CYB5A: variants seen among roughly 807,000 people sequenced by gnomAD.
The protein encoded by CYB5A is cytochrome b5.
CYB5A carries 10 observed loss-of-function variants against 16.2 expected under a neutral mutation model. The observed-to-expected ratio is 0.62, with a 90% CI of 0.38 to 1.04. CYB5A has a LOEUF of 1.04. CYB5A is among the 50% of genes least tolerant of loss of function. CYB5A has a pLI of 0.01. For synonymous variants in CYB5A, 62 were observed against 57.0 expected (o/e 1.09, Z -0.40); for missense variants, 161 against 165.9 (o/e 0.97, Z 0.16).
chr18:74,273,861 G>A (rs1048681177), intron 1 of CYB5A, among the ~76,000 whole-genome samples: 5 of 152,296 alleles, frequency 3.3e-5, no homozygotes, highest in Non-Finnish European at 7.3e-5. Flanking sequence ...TAATACCATG[G>A]AGCTCAGTGG....
intron 1 of CYB5A, among the ~76,000 whole-genome samples, chr18:74,288,333 A>G (rs1983396494): frequency 6.6e-6 from 1 of 152,040 alleles, no homozygotes; most frequent in Non-Finnish European, 1.5e-5. Context: ...AAAGAAGGGG[A>G]AATACTCAGC....
At chr18:74,269,315 T>C (rs924086678) in intron 1 of CYB5A, among the ~76,000 whole-genome samples, 2 of 118,698 alleles carry the variant, frequency 1.7e-5, no homozygotes, top group Non-Finnish European at 4.0e-5. Context: ...CTTGTGTTCA[T>C]CCAACCTTCT....
At chr18:74,278,668 T>C (rs1982974874) in intron 1 of CYB5A, among the ~76,000 whole-genome samples, 1 of 152,228 alleles carries the variant, frequency 6.6e-6, no homozygotes, top group African/African-American at 2.4e-5. Context: ...CTACATGAGA[T>C]GGTTCTTAAA....
At chr18:74,262,758 T>C (rs1295568458) in intron 2 of CYB5A, among the ~76,000 whole-genome samples, 2 of 152,176 alleles carry the variant, frequency 1.3e-5, no homozygotes, top group Admixed American at 6.5e-5. Context: ...CTCCCCACCT[T>C]GTAAAACGTG....
chr18:74,273,894 A>C (rs906790770), intron 1 of CYB5A, among the ~76,000 whole-genome samples: 1 of 152,196 alleles, frequency 6.6e-6, no homozygotes, highest in Admixed American at 6.5e-5. Flanking sequence ...TCACACAAAA[A>C]AGAAGCTGAC....
In CYB5A at chr18:74,260,921, C is replaced by T; in HGVS notation, c.282G>A (p.Lys94=). 2.5e-6 allele frequency: 4 copies of T among 1,612,514 alleles called. No individual in the cohort carries two copies. In the South Asian group the frequency reaches 3.3e-5, roughly 13 times the overall value. ...TTGAGATGGTCACACTTACCGGAGG[C>T]TTGTTTAACTTTGGTCTGTCATCCT... ...LHPDDRPKLN[K]PPETLITTID... The change falls in exon 3 of 5, where the codon AAG becomes AAA. Residue 94 remains lysine, a synonymous_variant. Coordinates refer to ENST00000340533, the MANE Select transcript of CYB5A (RefSeq NM_148923.4).
chr18:74,281,633 T>A (rs1311754896), intron 1 of CYB5A, among the ~76,000 whole-genome samples: 1 of 151,936 alleles, frequency 6.6e-6, no homozygotes, highest in Non-Finnish European at 1.5e-5. Flanking sequence ...TAAAAGGGAA[T>A]GGAGGAGGTG....
rs752735519 is a variant in CYB5A at position 74,291,755 on chromosome 18, G to C, written c.121C>G (p.Leu41Val). Residue 41 changes from leucine (L) to valine (V), a missense_variant, in exon 1 of 5, where the codon CTG becomes GTG. Transcript: ENST00000340533. ...HHKVYDLTKFLEEHPGGEEVL... is the reference protein window; with the variant it reads ...HHKVYDLTKFVEEHPGGEEVL... ...GCTCATCCCCAACTCACCTCTTCCA[G>C]AAATTTGGTCAAATCGTACACCTTG... 2 of 1,613,852 alleles carry C rather than the reference G, an allele frequency of 1.2e-6. No homozygotes were observed. Among genetic ancestry groups the C allele is most frequent in the Admixed American group, 3.3e-5 (2 of 60,028 alleles).
chr18:74,263,339 A>G lies in CYB5A; in HGVS notation c.258+10T>C, dbSNP rs1982288836. 1.2e-6 allele frequency: 2 copies of G among 1,613,736 alleles called. No individual in the cohort carries two copies. Among genetic ancestry groups the G allele is most frequent in the East Asian group, 2.2e-5 (1 of 44,860 alleles). On this transcript the variant is annotated intron_variant, in intron 2 of 4. Transcript: ENST00000340533. ...ATACAAATAAGAAAGGGCCCCCAAAATGTACTTACTGGATGGAGCTCCCCA... is the reference window on the plus strand; with the variant it reads ...ATACAAATAAGAAAGGGCCCCCAAAGTGTACTTACTGGATGGAGCTCCCCA...
chr18:74,289,842 G>A (rs962253180), intron 1 of CYB5A, among the ~76,000 whole-genome samples: 1 of 151,546 alleles, frequency 6.6e-6, no homozygotes, highest in African/African-American at 2.4e-5. Context: ...AGAACTCAGG[G>A]AGGTGGCTCA....
chr18:74,273,841 G>A (rs888550070), intron 1 of CYB5A, among the ~76,000 whole-genome samples: 6 of 152,164 alleles, frequency 3.9e-5, no homozygotes, highest in Non-Finnish European at 7.3e-5. Flanking sequence ...GAGAAGACAC[G>A]TGGCCCACTT....
At chr18:74,258,865 T>A (rs1790813) in intron 3 of CYB5A, 1 of 152,072 alleles carries the variant, frequency 6.6e-6, no homozygotes, top group Non-Finnish European at 1.5e-5. Context: ...TACTTTAGGC[T>A]GGGTGCCGTG....
In CYB5A at chr18:74,252,095, T is replaced by A. The variant is rs1196649495; in HGVS notation, c.*1489A>T. On this transcript the variant is annotated 3_prime_UTR_variant, in exon 5 of 5. Transcript: ENST00000340533. ...TAATTTATTTTGAAATAGAAACTACTTGTCAACTTTCAGTGACTAAAGAAG... is the reference window on the plus strand; with the variant it reads ...TAATTTATTTTGAAATAGAAACTACATGTCAACTTTCAGTGACTAAAGAAG... 6.6e-6 allele frequency: 1 copy of A among 152,230 alleles called. No homozygotes were observed. Among genetic ancestry groups the A allele is most frequent in the South Asian group, 2.1e-4 (1 of 4,828 alleles). The allele number at this position is 152,230 out of a possible 1,614,324, so 9.4% of individuals were successfully genotyped here. A position where few individuals can be genotyped will look rare whatever the true frequency, so the allele number is the denominator to read the frequency against.
At chr18:74,285,661 C>A (rs1310075360) in intron 1 of CYB5A, among the ~76,000 whole-genome samples, 1 of 151,852 alleles carries the variant, frequency 6.6e-6, no homozygotes, top group Non-Finnish European at 1.5e-5. Flanking sequence ...CCTAGGAGTT[C>A]GAGACCAGCC....
chr18:74,255,760 T>C lies in CYB5A; in HGVS notation c.304A>G (p.Thr102Ala). ...ACATACCTGGAACTAGAATCAATAG[T>C]AGTGATAAGAGTTTCCTGAAACACG... ...LNKPPETLIT[T>A]IDSSSSWWTN... is the part of the protein sequence containing the mutation. Residue 102 changes from threonine to alanine, a missense_variant, in exon 4 of 5, where the codon ACT (threonine) becomes GCT (alanine). Physicochemically the swap from Thr to Ala is moderately conservative, Grantham distance 58. Coordinates refer to ENST00000340533, the MANE Select transcript of CYB5A (RefSeq NM_148923.4). 3 of 1,612,342 alleles carry C rather than the reference T, an allele frequency of 1.9e-6. No individual in the cohort carries two copies. The highest frequency in any genetic ancestry group is 2.5e-6 in the Non-Finnish European group (3 of 1,178,396).
intron 1 of CYB5A, among the ~76,000 whole-genome samples, chr18:74,285,691 T>C (rs2145084565): frequency 6.6e-6 from 1 of 151,854 alleles, no homozygotes; most frequent in East Asian, 1.9e-4. Flanking sequence ...AGAGACTACA[T>C]TTCTACAAAA....
chr18:74,255,951 C>A, intron 3 of CYB5A, 176 bp from the exon 4 acceptor site: 1 of 595,484 alleles, frequency 1.7e-6, no homozygotes, highest in South Asian at 2.1e-5. Flanking sequence ...TTGTTTTCTT[C>A]CAGAGTAAAA....
At chr18:74,262,212 G>A (rs1982231460) in intron 2 of CYB5A, among the ~76,000 whole-genome samples, 3 of 152,172 alleles carry the variant, frequency 2.0e-5, no homozygotes, top group Non-Finnish European at 2.9e-5. Context: ...CTAGCACTCT[G>A]GGAGGCCTAG....
At chr18:74,263,283 A>G (rs781593294) in intron 2 of CYB5A, 66 bp downstream of exon 2, 5 of 1,605,544 alleles carry the variant, frequency 3.1e-6, no homozygotes, top group Non-Finnish European at 4.3e-6. Context: ...GCAAGCTTAC[A>G]GACTAGGGTA....
Sources: allele counts gnomAD v4.1 joint callset (sites outside exome capture counted in the v4.1 genomes callset), GRCh38; gene constraint gnomAD v4.1.1; transcripts MANE v1.5; gene names NCBI Gene and HGNC (gene_info 2026-07-23, HGNC 2026-07-21).